MICU3: variants seen among roughly 807,000 people sequenced by gnomAD.
MICU3 encodes mitochondrial calcium uptake 3.
Under a neutral mutation model 66.5 loss-of-function variants are expected in MICU3, and 62 were observed. The observed-to-expected ratio is 0.93, with a 90% confidence interval of 0.76 to 1.15. MICU3 has a LOEUF of 1.15. MICU3 is among the 50% of genes most tolerant of loss of function. The pLI is 0.00. For missense variants in MICU3, 779 were observed against 664.4 expected (o/e 1.17, Z -1.90); for synonymous variants, 308 against 240.7 (o/e 1.28, Z -2.59).
chr8:17,071,285 G>A (rs1409231388), intron 3 of MICU3, among the ~76,000 whole-genome samples: 1 of 152,056 alleles, frequency 6.6e-6, no homozygotes, highest in Non-Finnish European at 1.5e-5. Flanking sequence ...CACGGTTCTG[G>A]GGGCTTGAAG....
downstream of MICU3, among the ~76,000 whole-genome samples, chr8:17,124,481 T>C (rs1057012099): frequency 1.3e-5 from 2 of 152,114 alleles, no homozygotes; most frequent in Admixed American, 6.6e-5. Context: ...TAGAAATGCC[T>C]GCTGGAGCTT....
chr8:17,088,376 AT>A (rs1340164855), intron 7 of MICU3, among the ~76,000 whole-genome samples: 6 of 151,984 alleles, frequency 3.9e-5, no homozygotes, highest in African/African-American at 1.4e-4. Flanking sequence ...TAGCCCCATA[AT>A]TGCAACTGTT....
chr8:17,064,276 T>C (rs1427175356), intron 2 of MICU3, 39 bp downstream of exon 2: 7 of 1,517,806 alleles, frequency 4.6e-6, no homozygotes, highest in Middle Eastern at 1.8e-4. Flanking sequence ...AATTGTATAA[T>C]TTTTTTATCT....
At position 17,118,751 on chromosome 8, in the gene MICU3, G is replaced by A. The variant is rs1347183954; in HGVS notation, c.1569G>A (p.Leu523=). 4.7e-5 allele frequency: 76 copies of A among 1,612,006 alleles called. No homozygotes were observed. Among genetic ancestry groups the A allele is most frequent in the Non-Finnish European group, 6.3e-5 (74 of 1,178,560 alleles). ...AGTACCCCACTTTCAAATCCTGCCT[G>A]AAGAAAGAACTTCACAGCAGATAAG... ...VQKYPTFKSC[L]KKELHSR Residue 523 remains leucine, a synonymous_variant, in exon 14 of 15, where the codon CTG becomes CTA. Coordinates refer to ENST00000318063, the MANE Select transcript of MICU3 (RefSeq NM_181723.3).
At chr8:17,049,945 T>C (rs1303804538) in intron 1 of MICU3, among the ~76,000 whole-genome samples, 1 of 152,208 alleles carries the variant, frequency 6.6e-6, no homozygotes, top group East Asian at 1.9e-4. Context: ...AGTGTGTATC[T>C]TGTGACTGTT....
intron 1 of MICU3, among the ~76,000 whole-genome samples, chr8:17,036,626 G>T (rs1813042557): frequency 6.6e-6 from 1 of 152,212 alleles, no homozygotes. Context: ...GCTAGATACA[G>T]ATTGTCGATT....
At chr8:17,076,503 G>A (rs1031487199) in intron 3 of MICU3, among the ~76,000 whole-genome samples, 2 of 152,066 alleles carry the variant, frequency 1.3e-5, no homozygotes, top group Non-Finnish European at 2.9e-5. Context: ...TACCTGCAGT[G>A]CAGATACAGA....
intron 8 of MICU3, 91 bp from the exon 9 acceptor site, chr8:17,098,366 CT>C: frequency 1.1e-6 from 1 of 885,816 alleles, no homozygotes; most frequent in Non-Finnish European, 1.9e-6. Flanking sequence ...AATGTGTTTC[CT>C]TTTCAAGGTT....
At chr8:17,081,172 A>G (rs1821126611) in intron 4 of MICU3, among the ~76,000 whole-genome samples, 1 of 152,272 alleles carries the variant, frequency 6.6e-6, no homozygotes, top group Admixed American at 6.5e-5. Flanking sequence ...AGAAGCATTG[A>G]AGATAATTTG....
At chr8:17,060,686 T>C (rs1290010241) in intron 1 of MICU3, among the ~76,000 whole-genome samples, 1 of 152,210 alleles carries the variant, frequency 6.6e-6, no homozygotes, top group African/African-American at 2.4e-5. Context: ...TGCTTTATTA[T>C]ACTAAATTGA....
intron 1 of MICU3, among the ~76,000 whole-genome samples, chr8:17,037,659 CAA>C (rs1293662645): frequency 6.6e-6 from 1 of 152,164 alleles, no homozygotes; most frequent in Non-Finnish European, 1.5e-5. Context: ...GGAACTGTGA[CAA>C]GAGGGCCACC....
chr8:17,075,162 C>G (rs1204644749), intron 3 of MICU3, among the ~76,000 whole-genome samples: 1 of 152,164 alleles, frequency 6.6e-6, no homozygotes, highest in Non-Finnish European at 1.5e-5. Flanking sequence ...CACAGAGCTT[C>G]TATGCCTTCT....
chr8:17,063,617 T>G (rs776357808), intron 1 of MICU3, among the ~76,000 whole-genome samples: 1 of 152,072 alleles, frequency 6.6e-6, no homozygotes, highest in African/African-American at 2.4e-5. Flanking sequence ...AATGGTTTCC[T>G]TAGTGGTAGT....
intron 3 of MICU3, among the ~76,000 whole-genome samples, chr8:17,070,640 T>G (rs899156867): frequency 1.5e-5 from 1 of 65,430 alleles, no homozygotes. Flanking sequence ...ATAGATATGT[T>G]TTTTTTTTTT....
At chr8:17,043,034 G>A (rs1407379148) in intron 1 of MICU3, among the ~76,000 whole-genome samples, 2 of 142,810 alleles carry the variant, frequency 1.4e-5, no homozygotes, top group South Asian at 2.2e-4. Context: ...CCGCCTCTTG[G>A]GTTCATGCCA....
intron 3 of MICU3, among the ~76,000 whole-genome samples, chr8:17,070,640 T>A (rs899156867): frequency 1.4e-3 from 92 of 65,526 alleles, no homozygotes; most frequent in African/African-American, 1.9e-3. Flanking sequence ...ATAGATATGT[T>A]TTTTTTTTTT....
At chr8:17,080,863 TTTTTATACCC>T in intron 4 of MICU3, among the ~76,000 whole-genome samples, 1 of 152,080 alleles carries the variant, frequency 6.6e-6, no homozygotes. Context: ...ATTTTAAGGA[TTTTTATACCC>T]TTTTACCAAG....
At position 17,027,617 on chromosome 8, in the gene MICU3, G is replaced by C; in HGVS notation, c.338G>C (p.Gly113Ala). 6 of 1,310,548 alleles carry C rather than the reference G, an allele frequency of 4.6e-6. No individual in the cohort carries two copies. Among genetic ancestry groups the C allele is most frequent in the Non-Finnish European group, 5.8e-6 (6 of 1,034,126 alleles). 81.2% of individuals were successfully genotyped at this position (1,310,548 alleles called of 1,614,324 possible). ...ACGGAGCCCGAGGACCCGCCCCGCG[G>C]CCGGGGGATGCTGCCCATCCCAGTG... Reference protein sequence around the residue: ...AATEPEDPPRGRGMLPIPVAA... With the variant: ...AATEPEDPPRARGMLPIPVAA... The change falls in exon 1 of 15, where the codon GGC becomes GCC. Residue 113 changes from glycine to alanine, a missense_variant. By Grantham distance (60) the Gly-to-Ala change is moderately conservative (BLOSUM62 0). Coordinates refer to ENST00000318063, the MANE Select transcript of MICU3 (RefSeq NM_181723.3).
the MICU3 span, among the ~76,000 whole-genome samples, chr8:17,128,519 C>T: frequency 1.3e-5 from 2 of 152,190 alleles, no homozygotes; most frequent in Non-Finnish European, 2.9e-5. Context: ...AGGGATTAAA[C>T]AGATACACTT....
Sources: gnomAD v4.1 joint callset for allele counts (sites outside exome capture counted in the v4.1 genomes callset) on GRCh38, gnomAD v4.1.1 for gene constraint, MANE v1.5 for transcripts, NCBI Gene and HGNC (gene_info 2026-07-23, HGNC 2026-07-21) for gene names.